NALF1: variants seen among roughly 807,000 people sequenced by gnomAD.
NALF1 encodes family with sequence similarity 155 member A.
NALF1 carries 3 observed loss-of-function variants against 48.4 expected under a neutral mutation model. The ratio of observed to expected loss-of-function variants is 0.06; its 90% CI spans 0.03 to 0.16. NALF1 has a LOEUF of 0.16. NALF1 is among the 10% of genes least tolerant of loss of function. NALF1 has a pLI of 1.00. For missense variants in NALF1, 526 were observed against 571.5 expected (o/e 0.92, Z 0.81); for synonymous variants, 262 against 245.7 (o/e 1.07, Z -0.62).
intron 1 of NALF1, among the ~76,000 whole-genome samples, chr13:107,425,153 T>G (rs1181836475): frequency 2.0e-5 from 3 of 152,208 alleles, no homozygotes; most frequent in Non-Finnish European, 4.4e-5. Context: ...TATTAAATTT[T>G]GAGAAAAGAA....
chr13:107,683,087 C>A (rs993091582), intron 1 of NALF1, among the ~76,000 whole-genome samples: 1 of 151,994 alleles, frequency 6.6e-6, no homozygotes, highest in East Asian at 1.9e-4. Flanking sequence ...CAAAGTGAGA[C>A]CCTGTCTCTA....
At chr13:107,423,639 A>G (rs1884230170) in intron 1 of NALF1, among the ~76,000 whole-genome samples, 1 of 152,174 alleles carries the variant, frequency 6.6e-6, no homozygotes, top group Non-Finnish European at 1.5e-5. Flanking sequence ...GGAGACAGAG[A>G]AGATGTGTGA....
Position 107,539,437 on chromosome 13 carries a change from C to T in NALF1, c.915+326245G>A, listed in dbSNP as rs1876935640. ...TGAGTCAATCACCTCTTATTAGCCC[C>T]GCTTCTCAACACTGCTGCATTTGAG... On this transcript the variant is annotated intron_variant, in intron 1 of 2. Coordinates refer to ENST00000375915, the MANE Select transcript of NALF1 (RefSeq NM_001080396.3). Among the ~76,000 whole-genome samples the T allele has an allele frequency of 1.3e-5, 2 of 149,878 alleles. 1 individual carries two copies. The highest frequency in any genetic ancestry group is 4.1e-4 in the South Asian group (2 of 4,830).
intron 1 of NALF1, among the ~76,000 whole-genome samples, chr13:107,529,267 CA>C (rs1876547400): frequency 6.6e-6 from 1 of 152,044 alleles, no homozygotes; most frequent in Admixed American, 6.6e-5. Flanking sequence ...AATAATTATT[CA>C]AGAGCAGAGA....
intron 1 of NALF1, among the ~76,000 whole-genome samples, chr13:107,441,570 G>A (rs1884561088): frequency 6.6e-6 from 1 of 152,194 alleles, no homozygotes; most frequent in Non-Finnish European, 1.5e-5. Context: ...GCTAAATACA[G>A]AAGTGGAAGG....
chr13:107,257,311 G>C (rs1232826270), intron 1 of NALF1, among the ~76,000 whole-genome samples: 2 of 152,114 alleles, frequency 1.3e-5, no homozygotes, highest in Admixed American at 1.3e-4. Context: ...GGATTTGGTA[G>C]GAATAAGACC....
In NALF1 at chr13:107,362,799, T is replaced by C. The variant is rs1232391889; in HGVS notation, c.916-152044A>G. Among the ~76,000 whole-genome samples the C allele has an allele frequency of 6.6e-6, 1 of 152,170 alleles. No individual in the cohort carries two copies. The highest frequency in any genetic ancestry group is 1.5e-5 in the Non-Finnish European group (1 of 68,032). On this transcript the variant is annotated intron_variant, in intron 1 of 2. Coordinates refer to ENST00000375915, the MANE Select transcript of NALF1 (RefSeq NM_001080396.3). The surrounding 1 kb of genome is among the most constrained non-coding windows in gnomAD (Gnocchi z 4.6). ...TCCCATAGGTGAGCATGTACCTGTCTGAGTGGGCACACATATGGAGCAACC... is the reference window on the plus strand; with the variant it reads ...TCCCATAGGTGAGCATGTACCTGTCCGAGTGGGCACACATATGGAGCAACC...
chr13:107,224,250 G>A (rs1298932268), intron 1 of NALF1, among the ~76,000 whole-genome samples: 1 of 151,576 alleles, frequency 6.6e-6, no homozygotes, highest in Non-Finnish European at 1.5e-5. Flanking sequence ...GAATAATACT[G>A]AAATATGCAA....
intron 1 of NALF1, among the ~76,000 whole-genome samples, chr13:107,821,951 T>C (rs1216283492): frequency 1.3e-5 from 2 of 152,144 alleles, no homozygotes; most frequent in African/African-American, 2.4e-5. Flanking sequence ...ATCCCCAAAA[T>C]AACTTTAAAA....
chr13:107,652,483 A>G (rs1880472486), intron 1 of NALF1, among the ~76,000 whole-genome samples: 1 of 152,154 alleles, frequency 6.6e-6, no homozygotes, highest in African/African-American at 2.4e-5. Flanking sequence ...GAAATTCAAC[A>G]TATTTACAAC....
At chr13:107,606,657 C>A (rs9301244) in intron 1 of NALF1, among the ~76,000 whole-genome samples, 3 of 151,954 alleles carry the variant, frequency 2.0e-5, no homozygotes, top group Non-Finnish European at 4.4e-5. Context: ...TGAGCCACTG[C>A]GCCTGGCACC....
chr13:107,687,796 G>T (rs1000607003), intron 1 of NALF1, among the ~76,000 whole-genome samples: 4 of 152,138 alleles, frequency 2.6e-5, no homozygotes, highest in African/African-American at 9.7e-5. Flanking sequence ...AATTCAGATT[G>T]TCAATTGCAC....
At chr13:107,213,274 A>C (rs1370753374) in intron 1 of NALF1, among the ~76,000 whole-genome samples, 2 of 149,074 alleles carry the variant, frequency 1.3e-5, no homozygotes, top group East Asian at 4.0e-4. Context: ...AACTAGTAAG[A>C]GATCACAGCA....
chr13:107,505,309 G>A (rs562415989), intron 1 of NALF1, among the ~76,000 whole-genome samples: 44 of 152,358 alleles, frequency 2.9e-4, no homozygotes, highest in South Asian at 6.2e-4. Context: ...AGCAGCAGGT[G>A]CAGGCCTGGA....
intron 1 of NALF1, among the ~76,000 whole-genome samples, chr13:107,669,536 C>A (rs1003320122): frequency 6.6e-6 from 1 of 152,062 alleles, no homozygotes; most frequent in South Asian, 2.1e-4. Flanking sequence ...TGAAGAAGCA[C>A]GGAGCCACTG....
intron 1 of NALF1, among the ~76,000 whole-genome samples, chr13:107,586,093 G>A (rs942736676): frequency 3.3e-5 from 5 of 152,030 alleles, no homozygotes; most frequent in Non-Finnish European, 5.9e-5. Flanking sequence ...AATATAGAAG[G>A]CTATGTGTGA....
Position 107,556,438 on chromosome 13 carries a change from T to G in NALF1, c.915+309244A>C, listed in dbSNP as rs183033524. On this transcript the variant is annotated intron_variant, in intron 1 of 2. Coordinates refer to ENST00000375915, the MANE Select transcript of NALF1 (RefSeq NM_001080396.3). ...CCTTTAACATTAAAACTCGAGAACTTGAGGCCTTGCAGAGCCACACTGAAT... is the reference window on the plus strand; with the variant it reads ...CCTTTAACATTAAAACTCGAGAACTGGAGGCCTTGCAGAGCCACACTGAAT... Among the ~76,000 whole-genome samples, 105 of 152,026 alleles carry G rather than the reference T, an allele frequency of 6.9e-4. No individual in the cohort carries two copies. The East Asian group carries it at 0.018, about 26-fold the overall frequency.
At chr13:107,799,600 G>C (rs186202659) in intron 1 of NALF1, among the ~76,000 whole-genome samples, 5 of 152,124 alleles carry the variant, frequency 3.3e-5, no homozygotes, top group African/African-American at 1.2e-4. Flanking sequence ...CTTTTAAAAG[G>C]CTTGTTTTGC....
chr13:107,660,436 A>AACACAC (rs201215515), intron 1 of NALF1, among the ~76,000 whole-genome samples: 19 of 93,630 alleles, frequency 2.0e-4, no homozygotes, highest in African/African-American at 8.4e-4. Context: ...CTGTCTCAAA[A>AACACAC]ACACACACAC....
Sources: allele counts gnomAD v4.1 joint callset (sites outside exome capture counted in the v4.1 genomes callset), GRCh38; gene constraint gnomAD v4.1.1; non-coding constraint Gnocchi (gnomAD v3.1); transcripts MANE v1.5; gene names NCBI Gene and HGNC (gene_info 2026-07-23, HGNC 2026-07-21).